C1QTNF3: variants seen among roughly 807,000 people sequenced by gnomAD.
C1QTNF3 encodes complement C1q tumor necrosis factor-related protein 3.
A neutral mutation model predicts 32.6 loss-of-function variants in C1QTNF3; 26 were observed. That is an observed-to-expected ratio of 0.80 (90% confidence interval 0.58 to 1.11). The LOEUF is 1.11. Ranked by LOEUF, C1QTNF3 falls within the 50% of genes least tolerant of loss-of-function variation. The pLI, the probability that C1QTNF3 is intolerant of heterozygous loss-of-function variation, is 0.00. For missense variants in C1QTNF3, 362 were observed against 398.2 expected (o/e 0.91, Z 0.77); for synonymous variants, 155 against 146.0 (o/e 1.06, Z -0.44).
the C1QTNF3 span, chr5:34,166,934 C>A: frequency 6.6e-6 from 1 of 152,100 alleles, no homozygotes; most frequent in Non-Finnish European, 1.5e-5. Context: ...TACAGCTAAA[C>A]CTAATGAAGA....
the C1QTNF3 span, among the ~76,000 whole-genome samples, chr5:34,059,242 A>G: frequency 6.6e-6 from 1 of 151,946 alleles, no homozygotes; most frequent in East Asian, 1.9e-4. Context: ...CTGAGTCCCT[A>G]CATGGTCGTC....
At chr5:34,046,777 T>C (rs751371247), upstream of C1QTNF3, among the ~76,000 whole-genome samples, 1 of 151,748 alleles carries the variant, frequency 6.6e-6, no homozygotes, top group Admixed American at 6.6e-5. Flanking sequence ...CCAGACCCAG[T>C]AGAGGTCTGG....
the C1QTNF3 span, among the ~76,000 whole-genome samples, chr5:34,075,901 GTGTA>G: frequency 4.7e-4 from 61 of 130,970 alleles, 1 homozygote; most frequent in Middle Eastern, 0.012. Context: ...GTGTGTGTGT[GTGTA>G]TACACACACA....
chr5:34,036,315 C>T (rs1022317050), intron 1 of C1QTNF3, among the ~76,000 whole-genome samples: 10 of 151,960 alleles, frequency 6.6e-5, no homozygotes, highest in African/African-American at 1.5e-4. Context: ...TCTTAGAAAA[C>T]GAAGGAAATA....
chr5:34,213,791 A>T, the C1QTNF3 span, among the ~76,000 whole-genome samples: 1 of 5,434 alleles, frequency 1.8e-4, no homozygotes, highest in Non-Finnish European at 6.7e-4. Flanking sequence ...ATATACATAT[A>T]TATATATATA....
At chr5:34,242,097 A>G in the C1QTNF3 span, among the ~76,000 whole-genome samples, 1 of 151,804 alleles carries the variant, frequency 6.6e-6, no homozygotes, top group South Asian at 2.1e-4. Context: ...GCCCAAAGCA[A>G]TTTGTAGATT....
chr5:34,136,555 G>A, the C1QTNF3 span, among the ~76,000 whole-genome samples: 1 of 152,238 alleles, frequency 6.6e-6, no homozygotes, highest in Non-Finnish European at 1.5e-5. Flanking sequence ...GTTGGTGGGA[G>A]TGTAAATTAG....
At chr5:34,235,166 T>C in the C1QTNF3 span, among the ~76,000 whole-genome samples, 6 of 152,086 alleles carry the variant, frequency 3.9e-5, no homozygotes, top group Non-Finnish European at 8.8e-5. Context: ...CAGGGCTGGG[T>C]TCCTTGTTTT....
At chr5:34,091,177 T>C in the C1QTNF3 span, among the ~76,000 whole-genome samples, 1 of 152,226 alleles carries the variant, frequency 6.6e-6, no homozygotes. Context: ...GATGAGCACA[T>C]TGAGCGTTAC....
chr5:34,020,787 C>A lies in C1QTNF3; in HGVS notation c.801-45G>T, dbSNP rs765948498. 122 of 1,582,970 alleles carry A rather than the reference C, an allele frequency of 7.7e-5. 1 individual carries two copies. The highest frequency in any genetic ancestry group is 3.7e-5 in the Non-Finnish European group (43 of 1,157,460). On this transcript the variant is annotated intron_variant, in intron 5 of 5. Transcript: ENST00000382065. ...CAAACTACTTAGTTTTTGCCATGAA[C>A]AACCAGCTCTTCACCAAAGTCTGTG... is the stretch of plus-strand genomic sequence containing the variant.
intron 4 of C1QTNF3, among the ~76,000 whole-genome samples, chr5:34,025,148 T>C (rs1579598891): frequency 6.6e-6 from 1 of 152,310 alleles, no homozygotes; most frequent in Non-Finnish European, 1.5e-5. Context: ...ATCATGCCTA[T>C]TCATATGCCT....
chr5:34,211,595 C>T, the C1QTNF3 span, among the ~76,000 whole-genome samples: 2 of 140,896 alleles, frequency 1.4e-5, no homozygotes, highest in Admixed American at 1.6e-4. Flanking sequence ...CCTGTGTCCA[C>T]GTGTTCTCAT....
Position 34,028,736 on chromosome 5 carries a change from C to G in C1QTNF3, c.700+18G>C. 6.3e-7 allele frequency: 1 copy of G among 1,592,648 alleles called. No individual in the cohort carries two copies. Among genetic ancestry groups the G allele is most frequent in the Non-Finnish European group, 8.6e-7 (1 of 1,168,652 alleles). ...TTACATTGATTAACTCAATCTTCAT[C>G]CTATGTTTCCATCTCACCTGATACT... On this transcript the variant is annotated intron_variant, in intron 4 of 5. Coordinates refer to ENST00000382065, the MANE Select transcript of C1QTNF3 (RefSeq NM_181435.6).
chr5:34,205,643 G>A, the C1QTNF3 span, among the ~76,000 whole-genome samples: 2 of 151,828 alleles, frequency 1.3e-5, no homozygotes, highest in Non-Finnish European at 2.9e-5. Context: ...GAACTGTGAG[G>A]CAATTAAAGC....
At chr5:34,102,812 A>G in the C1QTNF3 span, among the ~76,000 whole-genome samples, 3 of 152,276 alleles carry the variant, frequency 2.0e-5, no homozygotes, top group African/African-American at 7.2e-5. Context: ...ACTTGGGAAC[A>G]TCACACACCG....
At chr5:34,121,491 A>C in the C1QTNF3 span, among the ~76,000 whole-genome samples, 4 of 152,084 alleles carry the variant, frequency 2.6e-5, no homozygotes, top group African/African-American at 7.2e-5. Context: ...CCCTGATAAA[A>C]CCATCAGATC....
the C1QTNF3 span, among the ~76,000 whole-genome samples, chr5:34,195,564 G>A: frequency 7.9e-5 from 12 of 152,194 alleles, no homozygotes; most frequent in African/African-American, 1.7e-4. Flanking sequence ...ATGATAGGCC[G>A]GGCGCGGTGG....
chr5:34,141,413 G>A, the C1QTNF3 span, among the ~76,000 whole-genome samples: 29 of 151,948 alleles, frequency 1.9e-4, no homozygotes, highest in South Asian at 1.0e-3. Context: ...CCACCGCGCC[G>A]GGCCCGGGGT....
chr5:34,156,140 G>A, the C1QTNF3 span, among the ~76,000 whole-genome samples: 1 of 152,152 alleles, frequency 6.6e-6, no homozygotes, highest in East Asian at 1.9e-4. Flanking sequence ...GCATGATCTC[G>A]GCTCACTGTG....
Sources: allele counts gnomAD v4.1 joint callset (sites outside exome capture counted in the v4.1 genomes callset), GRCh38; gene constraint gnomAD v4.1.1; transcripts MANE v1.5; gene names NCBI Gene and HGNC (gene_info 2026-07-23, HGNC 2026-07-21).